The following LRCOL1 variants were observed in gnomAD, a reference collection of about 807,000 sequenced individuals.
LRCOL1 encodes the protein leucine-rich colipase-like protein 1.
LRCOL1 carries 21 observed loss-of-function variants against 21.6 expected under a neutral mutation model. The observed-to-expected ratio is 0.97, with a 90% CI of 0.69 to 1.40. The LOEUF (loss-of-function observed/expected upper bound fraction) is 1.40. Among genes scored for constraint, LRCOL1 ranks in the 40% most tolerant of loss-of-function variants. The pLI, the probability that LRCOL1 is intolerant of heterozygous loss-of-function variation, is 0.00. For missense variants in LRCOL1, 198 were observed against 202.3 expected (o/e 0.98, Z 0.13); for synonymous variants, 98 against 90.1 (o/e 1.09, Z -0.49).
At position 132,604,982 on chromosome 12, in the gene LRCOL1, G is replaced by T. The variant is rs1208889317; in HGVS notation, c.106-151C>A. On this transcript the variant is annotated intron_variant, in intron 2 of 5. Coordinates refer to ENST00000376608, the MANE Select transcript of LRCOL1 (RefSeq NM_001195520.2). The stretch of plus-strand genomic sequence containing the variant: ...GAAGTTTCTGGAACAAACCCAGACT[G>T]CCGTGGTTCTGGCAGGTCAGTGCTG... The T allele has an allele frequency of 2.1e-6, 3 of 1,449,166 alleles. No homozygotes were observed. In the African/African-American group the frequency reaches 4.2e-5, roughly 21 times the overall value. The allele number at this position is 1,449,166 out of a possible 1,614,324, so 89.8% of individuals were successfully genotyped here.
At chr12:132,603,519 C>A in intron 5 of LRCOL1, 115 bp from the exon 6 acceptor site, 2 of 1,526,202 alleles carry the variant, frequency 1.3e-6, no homozygotes, top group African/African-American at 1.4e-5. Context: ...TCGTGGGGGT[C>A]GGGACAGCAC....
intron 1 of LRCOL1, among the ~76,000 whole-genome samples, chr12:132,607,474 A>AAAAAGAAAGTCCACC (rs2041323052): frequency 6.6e-6 from 1 of 152,256 alleles, no homozygotes; most frequent in South Asian, 2.1e-4. Context: ...TGAAGTCCAC[A>AAAAAGAAAGTCCACC]CAAAGAAAGT....
In LRCOL1 at chr12:132,605,116, G is replaced by A. The variant is rs533279459; in HGVS notation, c.106-285C>T. The A allele has an allele frequency of 1.8e-5, 22 of 1,221,712 alleles. No homozygotes were observed. The African/African-American group carries it at 2.6e-4, about 15-fold the overall frequency. 75.7% of individuals were successfully genotyped at this position (1,221,712 alleles called of 1,614,324 possible). On this transcript the variant is annotated intron_variant, in intron 2 of 5. Coordinates refer to ENST00000376608, the MANE Select transcript of LRCOL1 (RefSeq NM_001195520.2). ...AGCAGAGCATGGGTGAAGCTCTCAG[G>A]CCAGCCCAGTGCCTGGCATTTTACA...
intron 2 of LRCOL1, chr12:132,605,919 C>T (rs2041301989): frequency 1.8e-6 from 1 of 552,178 alleles, no homozygotes; most frequent in African/African-American, 1.9e-5. Context: ...GTCGCCGTCC[C>T]ATAGCCTCAA....
At chr12:132,605,149 A>G in intron 2 of LRCOL1, 1 of 1,156,902 alleles carries the variant, frequency 8.6e-7, no homozygotes, top group Non-Finnish European at 1.1e-6. Flanking sequence ...ACAGGAGAAG[A>G]AACAGGCTCA....
chr12:132,606,335 C>G lies in LRCOL1; in HGVS notation c.-13-71G>C. The G allele has an allele frequency of 7.9e-7, 1 of 1,262,732 alleles. No homozygotes were observed. The highest frequency in any genetic ancestry group is 1.1e-6 in the Non-Finnish European group (1 of 908,432). 78.2% of individuals were successfully genotyped at this position (1,262,732 alleles called of 1,614,324 possible). A position where few individuals can be genotyped will look rare whatever the true frequency, so the allele number is the denominator to read the frequency against. On this transcript the variant is annotated intron_variant, in intron 1 of 5. Coordinates refer to ENST00000376608, the MANE Select transcript of LRCOL1 (RefSeq NM_001195520.2). The surrounding 1 kb of genome is among the most constrained non-coding windows in gnomAD (Gnocchi z 4.6). ...GTCCTGCCTGGCACCTGGTGCTGGC[C>G]TCCCCACTCCCTTCCCATCCCTTCC...
intron 5 of LRCOL1, 129 bp downstream of exon 5, chr12:132,604,125 C>A: frequency 7.0e-7 from 1 of 1,437,988 alleles, no homozygotes; most frequent in East Asian, 2.5e-5. Flanking sequence ...CCTCTCCCAG[C>A]AGGGGTGCCT....
intron 5 of LRCOL1, 113 bp from the exon 6 acceptor site, chr12:132,603,517 G>T (rs1362043924): frequency 7.2e-6 from 11 of 1,532,006 alleles, no homozygotes; most frequent in Middle Eastern, 1.8e-4. Flanking sequence ...CCTCGTGGGG[G>T]TCGGGACAGC....
At position 132,603,967 on chromosome 12, in the gene LRCOL1, A is replaced by G. The variant is rs879263846; in HGVS notation, c.477+287T>C. ...CGTCCAACCCCAGCTCCCACGGGGG[A>G]TGGTCCTGGGTCCCCCTCCCCGCGG... On this transcript the variant is annotated intron_variant, in intron 5 of 5. Transcript: ENST00000376608. 355 of 1,265,708 alleles carry G rather than the reference A, an allele frequency of 2.8e-4. 1 individual carries two copies. The highest frequency in any genetic ancestry group is 3.4e-4 in the Non-Finnish European group (344 of 1,003,714). The allele number at this position is 1,265,708 out of a possible 1,614,324, so 78.4% of individuals were successfully genotyped here. A position where few individuals can be genotyped will look rare whatever the true frequency, so the allele number is the denominator to read the frequency against.
Position 132,606,265 on chromosome 12 carries a change from C to T in LRCOL1, c.-13-1G>A. The T allele has an allele frequency of 1.3e-6, 2 of 1,536,008 alleles. No homozygotes were observed. Among genetic ancestry groups the T allele is most frequent in the South Asian group, 2.4e-5 (2 of 84,032 alleles). ...CGGGCCGGCCATCGGGTGTGTGGAC[C>T]TGCAGAGACCCAGGATTGTGTGGGA... On this transcript the variant is annotated splice_acceptor_variant, in intron 1 of 5. Transcript: ENST00000376608. LOFTEE classifies it low-confidence loss of function (5UTR_SPLICE). The surrounding 1 kb of genome is among the most constrained non-coding windows in gnomAD (Gnocchi z 4.6).
intron 5 of LRCOL1, chr12:132,604,040 G>A: frequency 7.2e-7 from 1 of 1,390,338 alleles, no homozygotes; most frequent in Non-Finnish European, 9.3e-7. Context: ...GCCCTGCGGG[G>A]CCTGGTGGGC....
chr12:132,610,541 C>G lies in LRCOL1; in HGVS notation c.-232G>C, dbSNP rs540857664. 6.6e-6 allele frequency: 1 copy of G among 152,268 alleles called. No individual in the cohort carries two copies. The highest frequency in any genetic ancestry group is 1.5e-5 in the Non-Finnish European group (1 of 68,094). 9.4% of individuals were successfully genotyped at this position (152,268 alleles called of 1,614,324 possible). On this transcript the variant is annotated 5_prime_UTR_variant, in exon 1 of 6. Transcript: ENST00000376608. ...CGCTCATCTCCCCACATGAGAGGCTCAGTGTAGGCGTCTGGACAGGGGCCA... is the reference window on the plus strand; with the variant it reads ...CGCTCATCTCCCCACATGAGAGGCTGAGTGTAGGCGTCTGGACAGGGGCCA...
intron 5 of LRCOL1, 47 bp from the exon 6 acceptor site, chr12:132,603,451 G>C: frequency 2.6e-6 from 4 of 1,536,030 alleles, no homozygotes; most frequent in Non-Finnish European, 3.5e-6. Flanking sequence ...GACGGGCCTC[G>C]AAGCGGCCGC....
chr12:132,604,095 G>C (rs2041265909), intron 5 of LRCOL1, 159 bp downstream of exon 5: 3 of 1,429,798 alleles, frequency 2.1e-6, no homozygotes, highest in Non-Finnish European at 2.7e-6. Context: ...CACCTTATGA[G>C]ATGGGCGGTG....
rs756009698 is a variant in LRCOL1, at chr12:132,604,466, C to A, written c.350G>T (p.Arg117Leu). ...CCCCGGGTGCCCGCAGCTCACCTTGCGCCAGGGCACACACTGCAGGAAGAC... is the reference window on the plus strand; with the variant it reads ...CCCCGGGTGCCCGCAGCTCACCTTGAGCCAGGGCACACACTGCAGGAAGAC... ...QSVFLQCVPW[R>L]KPNGDFCSSH... The change falls in exon 4 of 6, where the codon CGC (arginine) becomes CTC (leucine). Residue 117 changes from arginine (R) to leucine (L), a missense_variant. Coordinates refer to ENST00000376608, the MANE Select transcript of LRCOL1 (RefSeq NM_001195520.2). The A allele has an allele frequency of 2.6e-6, 4 of 1,535,252 alleles. No individual in the cohort carries two copies. Among genetic ancestry groups the A allele is most frequent in the South Asian group, 2.4e-5 (2 of 84,020 alleles).
intron 5 of LRCOL1, chr12:132,604,001 G>T: frequency 7.4e-7 from 1 of 1,350,928 alleles, no homozygotes; most frequent in Non-Finnish European, 9.5e-7. Context: ...GGCTCCGCAG[G>T]CTCTGACGGT....
At chr12:132,608,451 C>T (rs1229210223) in intron 1 of LRCOL1, among the ~76,000 whole-genome samples, 1 of 152,250 alleles carries the variant, frequency 6.6e-6, no homozygotes, top group African/African-American at 2.4e-5. Context: ...GGCACCTGAT[C>T]CTGGAGCCCT....
intron 5 of LRCOL1, chr12:132,603,844 G>A (rs944092771): frequency 8.1e-5 from 80 of 985,292 alleles, no homozygotes; most frequent in Non-Finnish European, 9.3e-5. Flanking sequence ...TGGATTTCCC[G>A]TCAGGAAAAG....
intron 1 of LRCOL1, among the ~76,000 whole-genome samples, chr12:132,610,013 C>T (rs369561043): frequency 3.9e-5 from 6 of 152,216 alleles, no homozygotes; most frequent in African/African-American, 9.6e-5. Context: ...AGATCGTCTG[C>T]GAAACCACAG....
Sources: gnomAD v4.1 joint callset for allele counts (sites outside exome capture counted in the v4.1 genomes callset) on GRCh38, gnomAD v4.1.1 for gene constraint, Gnocchi (gnomAD v3.1) non-coding constraint, MANE v1.5 for transcripts, NCBI Gene and HGNC (gene_info 2026-07-23, HGNC 2026-07-21) for gene names.